AUTS2: variants seen among roughly 807,000 people sequenced by gnomAD.
AUTS2 encodes the protein activator of transcription and developmental regulator AUTS2, also known as autism susceptibility gene 2 protein.
AUTS2 carries 17 observed loss-of-function variants against 112.4 expected under a neutral mutation model. The ratio of observed to expected loss-of-function variants is 0.15; its 90% CI spans 0.10 to 0.23. The LOEUF (loss-of-function observed/expected upper bound fraction) is 0.23, where lower values mean the gene tolerates loss of function less well. AUTS2 is among the 10% of genes least tolerant of loss of function. The pLI is 1.00. For missense variants in AUTS2, 1,510 were observed against 1,701.6 expected (o/e 0.89, Z 1.98); for synonymous variants, 751 against 702.7 (o/e 1.07, Z -1.09).
In AUTS2 at chr7:70,733,251, T is replaced by C. The variant is rs1178832782; in HGVS notation, c.743-29619T>C. Among the ~76,000 whole-genome samples, 3 of 152,204 alleles carry C rather than the reference T, an allele frequency of 2.0e-5. No homozygotes were observed. The East Asian group carries it at 5.8e-4, about 29-fold the overall frequency. The stretch of plus-strand genomic sequence containing the variant: ...CTTAAGGGTATCTTAAATGGGATGC[T>C]TCTCAGGACTCTTGGAGACTTAGAG... On this transcript the variant is annotated intron_variant, in intron 6 of 18. Transcript: ENST00000342771.
At chr7:70,399,360 G>A (rs1794228333) in intron 4 of AUTS2, among the ~76,000 whole-genome samples, 1 of 152,048 alleles carries the variant, frequency 6.6e-6, no homozygotes, top group African/African-American at 2.4e-5. Flanking sequence ...GCCATTCTAT[G>A]TACATTGTAC....
At chr7:70,658,815 A>T (rs1050721606) in intron 5 of AUTS2, among the ~76,000 whole-genome samples, 10 of 152,234 alleles carry the variant, frequency 6.6e-5, no homozygotes, top group Admixed American at 2.0e-4. Flanking sequence ...TCCGTCATGG[A>T]TAAAATCCAA....
chr7:69,698,632 G>A (rs1797665028), intron 1 of AUTS2, among the ~76,000 whole-genome samples: 1 of 152,132 alleles, frequency 6.6e-6, no homozygotes, highest in South Asian at 2.1e-4. Flanking sequence ...AGTGCACACA[G>A]CCTTAGACTT....
intron 5 of AUTS2, among the ~76,000 whole-genome samples, chr7:70,589,663 G>A (rs1802847055): frequency 6.6e-6 from 1 of 152,210 alleles, no homozygotes. Context: ...GCAGTGAGCC[G>A]AGATTATGCC....
chr7:70,660,415 G>C, intron 5 of AUTS2, among the ~76,000 whole-genome samples: 1 of 152,188 alleles, frequency 6.6e-6, no homozygotes, highest in East Asian at 1.9e-4. Context: ...ACCTAGCTCC[G>C]TGCACAGCTT....
At chr7:70,500,128 C>T (rs527780579) in intron 5 of AUTS2, among the ~76,000 whole-genome samples, 5 of 151,664 alleles carry the variant, frequency 3.3e-5, no homozygotes, top group African/African-American at 4.8e-5. Context: ...TCCAGCACTG[C>T]TCTGCTCCCT....
Position 69,798,989 on chromosome 7 carries a change from T to TA in AUTS2, c.310-100285dup, listed in dbSNP as rs796389146. 5.6e-3 allele frequency among the ~76,000 whole-genome samples: 787 copies of TA among 140,782 alleles called. 4 individuals carry two copies. The highest frequency in any genetic ancestry group is 0.015 in the African/African-American group (587 of 38,342). 92.4% of individuals were successfully genotyped at this position (140,782 alleles called of 152,430 possible). ...CTGGGCAACAGAGCGAAACCTAGTCTAAAAAAAAAAAAGTGTGTATATAAG... is the reference window on the plus strand; with the variant it reads ...CTGGGCAACAGAGCGAAACCTAGTCTAAAAAAAAAAAAAGTGTGTATATAAG... On this transcript the variant is annotated intron_variant, in intron 1 of 18. Transcript: ENST00000342771.
chr7:70,763,819 T>G (rs6973153), intron 7 of AUTS2, among the ~76,000 whole-genome samples: 1 of 152,004 alleles, frequency 6.6e-6, no homozygotes, highest in African/African-American at 2.4e-5. Flanking sequence ...TAAGGATTTT[T>G]TTTTTCATTC....
At chr7:69,615,167 G>A (rs1793299775) in intron 1 of AUTS2, among the ~76,000 whole-genome samples, 3 of 152,056 alleles carry the variant, frequency 2.0e-5, no homozygotes, top group Admixed American at 2.0e-4. Context: ...TTGCCCCTCT[G>A]GTGGTCTATA....
chr7:70,457,245 A>G (rs1016828759), intron 5 of AUTS2, among the ~76,000 whole-genome samples: 7 of 152,052 alleles, frequency 4.6e-5, no homozygotes, highest in African/African-American at 1.7e-4. Context: ...CAGTTTTCCC[A>G]CCTGTAAACG....
intron 4 of AUTS2, among the ~76,000 whole-genome samples, chr7:70,382,127 G>T (rs1486434011): frequency 1.3e-5 from 2 of 152,158 alleles, no homozygotes; most frequent in African/African-American, 2.4e-5. Context: ...AGCTCAACGT[G>T]TCTGTAATCT....
intron 5 of AUTS2, among the ~76,000 whole-genome samples, chr7:70,572,130 T>C (rs997864779): frequency 6.6e-6 from 1 of 152,178 alleles, no homozygotes; most frequent in Admixed American, 6.5e-5. Context: ...CATGGCATCG[T>C]TTGGCCTAGC....
At chr7:70,439,492 T>C (rs1399150085) in intron 5 of AUTS2, among the ~76,000 whole-genome samples, 1 of 139,546 alleles carries the variant, frequency 7.2e-6, no homozygotes, top group East Asian at 2.1e-4. Context: ...TGAGCCGAGA[T>C]CGCACCATTG....
At chr7:69,941,831 T>C (rs748008765) in intron 2 of AUTS2, among the ~76,000 whole-genome samples, 1 of 152,154 alleles carries the variant, frequency 6.6e-6, no homozygotes, top group African/African-American at 2.4e-5. Context: ...GGAAAAACAA[T>C]TGGGCCAGAC....
At chr7:70,400,034 C>T (rs1001481319) in intron 4 of AUTS2, among the ~76,000 whole-genome samples, 4 of 152,182 alleles carry the variant, frequency 2.6e-5, no homozygotes, top group African/African-American at 9.7e-5. Context: ...GGCAAAGGTC[C>T]AGAGGTCACC....
chr7:70,356,557 G>C (rs1182111566), intron 4 of AUTS2, among the ~76,000 whole-genome samples: 1 of 152,164 alleles, frequency 6.6e-6, no homozygotes, highest in Non-Finnish European at 1.5e-5. Flanking sequence ...TCTTGGTTCT[G>C]TTTGTGGGCT....
chr7:70,512,903 G>C (rs571112422), intron 5 of AUTS2, among the ~76,000 whole-genome samples: 15 of 151,954 alleles, frequency 9.9e-5, no homozygotes, highest in African/African-American at 3.4e-4. Context: ...GGGGGCAGTA[G>C]GTCTTGGACA....
intron 1 of AUTS2, among the ~76,000 whole-genome samples, chr7:69,832,788 C>T (rs942360157): frequency 1.3e-5 from 2 of 152,178 alleles, no homozygotes; most frequent in South Asian, 2.1e-4. Flanking sequence ...CAAGCATACT[C>T]TTAGGTTTAT....
At chr7:70,785,283 A>G in intron 16 of AUTS2, 1 of 618,390 alleles carries the variant, frequency 1.6e-6, no homozygotes, top group Non-Finnish European at 3.0e-6. Context: ...AGTGGGTGAG[A>G]GCCATTCCTT....
Sources: allele counts gnomAD v4.1 joint callset (sites outside exome capture counted in the v4.1 genomes callset), GRCh38; gene constraint gnomAD v4.1.1; transcripts MANE v1.5; gene names NCBI Gene and HGNC (gene_info 2026-07-23, HGNC 2026-07-21).